Variants in GNAQ observed in about 807,000 individuals in gnomAD.
The protein encoded by GNAQ is G protein subunit alpha q, also known as guanine nucleotide-binding protein G(q) subunit alpha.
Under a neutral mutation model 43.9 loss-of-function variants are expected in GNAQ, and 8 were observed. The observed-to-expected ratio is 0.18, with a 90% CI of 0.11 to 0.33. The LOEUF (loss-of-function observed/expected upper bound fraction) is 0.33, where lower values mean the gene tolerates loss of function less well. GNAQ is among the 10% of genes least tolerant of loss of function. The pLI, the probability that GNAQ is intolerant of heterozygous loss-of-function variation, is 1.00. For synonymous variants in GNAQ, 155 were observed against 170.7 expected, an observed-to-expected ratio of 0.91 and a Z score of 0.71; for missense variants, 158 against 450.8, an observed-to-expected ratio of 0.35 and a Z score of 5.88.
intron 2 of GNAQ, among the ~76,000 whole-genome samples, chr9:77,875,738 T>C (rs2118044798): frequency 6.6e-6 from 1 of 152,296 alleles, no homozygotes; most frequent in South Asian, 2.1e-4. Context: ...TTGCTCAAAG[T>C]CAGTGACATA....
chr9:77,777,912 C>A (rs1826328850), intron 5 of GNAQ, among the ~76,000 whole-genome samples: 1 of 151,888 alleles, frequency 6.6e-6, no homozygotes, highest in Admixed American at 6.6e-5. Flanking sequence ...TTTGGTATGT[C>A]CTGAAAATGT....
intron 1 of GNAQ, among the ~76,000 whole-genome samples, chr9:77,926,149 T>C (rs1829070053): frequency 1.3e-5 from 2 of 152,198 alleles, no homozygotes; most frequent in Admixed American, 6.5e-5. Flanking sequence ...CTTTGTTCCA[T>C]ACAGTTCTAT....
chr9:77,855,740 AAAAATGCAAT>A (rs935724995), intron 2 of GNAQ, among the ~76,000 whole-genome samples: 3 of 152,102 alleles, frequency 2.0e-5, no homozygotes, highest in African/African-American at 4.8e-5. Flanking sequence ...ACCTACCAAT[AAAAATGCAAT>A]AAAATGAACT....
chr9:77,796,731 CAT>C lies in GNAQ; in HGVS notation c.605+787_605+788del, dbSNP rs1333110031. Among the ~76,000 whole-genome samples the C allele has an allele frequency of 2.0e-5, 3 of 152,296 alleles. No individual in the cohort carries two copies. In the East Asian group the frequency reaches 5.8e-4, roughly 29 times the overall value. On this transcript the variant is annotated intron_variant, in intron 4 of 6. Transcript: ENST00000286548. ...CATATTTTATGAATACAAAACATCA[CAT>C]ATTTTTCTTGCTACTGAAAAATTTT...
In GNAQ at chr9:77,725,901, T is replaced by A. The variant is rs1825390379; in HGVS notation, c.889+2613A>T. On this transcript the variant is annotated intron_variant, in intron 6 of 6. Coordinates refer to ENST00000286548, the MANE Select transcript of GNAQ (RefSeq NM_002072.5). ...TCTATCTGTTCTGCATCCTCCCTTA[T>A]GCAAGCACATCATGAAAACGTGCCA... is the stretch of plus-strand genomic sequence containing the variant. 2.0e-5 allele frequency among the ~76,000 whole-genome samples: 3 copies of A among 152,190 alleles called. 1 individual carries two copies. In the South Asian group the frequency reaches 6.2e-4, roughly 31 times the overall value.
rs984642561 is a variant in GNAQ, at chr9:77,927,529, C to G, written c.137-5184G>C. Among the ~76,000 whole-genome samples the G allele has an allele frequency of 3.9e-5, 6 of 152,092 alleles. No individual in the cohort carries two copies. The South Asian group carries it at 1.2e-3, about 32-fold the overall frequency. ...GGCTCTGGAAAACAATCACTGAATA[C>G]TACCAGGAACTTCAAGGGTCTACAT... On this transcript the variant is annotated intron_variant, in intron 1 of 6. Coordinates refer to ENST00000286548, the MANE Select transcript of GNAQ (RefSeq NM_002072.5).
intron 1 of GNAQ, among the ~76,000 whole-genome samples, chr9:77,935,583 C>T (rs1829219497): frequency 6.6e-6 from 1 of 152,204 alleles, no homozygotes; most frequent in Admixed American, 6.5e-5. Flanking sequence ...GTTATAATTA[C>T]TCCAAAGCAG....
intron 1 of GNAQ, among the ~76,000 whole-genome samples, chr9:77,954,171 C>T (rs1179787803): frequency 6.6e-6 from 1 of 152,176 alleles, no homozygotes; most frequent in African/African-American, 2.4e-5. Flanking sequence ...AATGCCATCA[C>T]GTACACAGCA....
intron 2 of GNAQ, among the ~76,000 whole-genome samples, chr9:77,820,184 C>T (rs1827091269): frequency 6.6e-6 from 1 of 151,346 alleles, no homozygotes; most frequent in Admixed American, 6.6e-5. Flanking sequence ...GTCACTGAAG[C>T]CTAAATTTGC....
At chr9:77,942,638 C>T (rs1319499767) in intron 1 of GNAQ, among the ~76,000 whole-genome samples, 2 of 152,144 alleles carry the variant, frequency 1.3e-5, no homozygotes, top group African/African-American at 2.4e-5. Flanking sequence ...ATCAACACCC[C>T]ACCACATATA....
chr9:77,860,382 C>CA (rs1345380225), intron 2 of GNAQ, among the ~76,000 whole-genome samples: 2 of 152,172 alleles, frequency 1.3e-5, no homozygotes, highest in Admixed American at 1.3e-4. Context: ...CAGTGGTTCT[C>CA]AAAAAAAGGC....
At chr9:77,974,803 A>G (rs1341949970) in intron 1 of GNAQ, among the ~76,000 whole-genome samples, 1 of 152,264 alleles carries the variant, frequency 6.6e-6, no homozygotes, top group Non-Finnish European at 1.5e-5. Context: ...ACAAACTGCA[A>G]AGCATGACGG....
chr9:77,843,427 A>G (rs1163675369), intron 2 of GNAQ, among the ~76,000 whole-genome samples: 1 of 152,206 alleles, frequency 6.6e-6, no homozygotes, highest in African/African-American at 2.4e-5. Context: ...GCCCAGTAAA[A>G]TAATTTCTTT....
At chr9:77,809,478 A>G (rs548574285) in intron 3 of GNAQ, among the ~76,000 whole-genome samples, 8 of 152,242 alleles carry the variant, frequency 5.3e-5, no homozygotes, top group East Asian at 3.9e-4. Flanking sequence ...AATCTAGGGG[A>G]AAAAAAGTGA....
chr9:77,948,655 G>A (rs1008037880), intron 1 of GNAQ, among the ~76,000 whole-genome samples: 4 of 152,182 alleles, frequency 2.6e-5, no homozygotes, highest in Admixed American at 6.5e-5. Flanking sequence ...TCCATTATTC[G>A]TTAGGCCCAA....
At chr9:77,979,013 C>T (rs115938566) in intron 1 of GNAQ, among the ~76,000 whole-genome samples, 8,311 of 152,166 alleles carry the variant, frequency 0.055, 258 homozygotes, top group Non-Finnish European at 0.056. Flanking sequence ...CTAGATTGTG[C>T]CACTGTACTC....
At chr9:77,828,968 A>G (rs1256570336) in intron 2 of GNAQ, among the ~76,000 whole-genome samples, 2 of 152,234 alleles carry the variant, frequency 1.3e-5, no homozygotes, top group African/African-American at 4.8e-5. Context: ...GGCACCAGCC[A>G]AACAGAACAG....
At chr9:78,030,908 T>TGA (rs1005657430) in intron 1 of GNAQ, among the ~76,000 whole-genome samples, 192 bp downstream of exon 1, 10 of 148,188 alleles carry the variant, frequency 6.7e-5, no homozygotes, top group African/African-American at 2.6e-4. Context: ...TGTGTGTGTG[T>TGA]GTGTGTGTGT....
intron 2 of GNAQ, among the ~76,000 whole-genome samples, chr9:77,873,556 T>C (rs1828076711): frequency 6.6e-6 from 1 of 151,720 alleles, no homozygotes; most frequent in Non-Finnish European, 1.5e-5. Flanking sequence ...TGAGAAATAA[T>C]AAGGAAGGGG....
Sources: gnomAD v4.1 joint callset for allele counts (sites outside exome capture counted in the v4.1 genomes callset) on GRCh38, gnomAD v4.1.1 for gene constraint, MANE v1.5 for transcripts, NCBI Gene and HGNC (gene_info 2026-07-23, HGNC 2026-07-21) for gene names.